Variants in DNMT3A observed in about 807,000 individuals in gnomAD.
DNMT3A encodes the protein DNA (cytosine-5)-methyltransferase 3A.
A neutral mutation model predicts 117.6 loss-of-function variants in DNMT3A; 267 were observed. That is an observed-to-expected ratio of 2.27 (90% CI 2.05 to 2.51). The LOEUF is 2.51. Among genes scored for constraint, DNMT3A ranks in the 30% most tolerant of loss-of-function variants. The pLI is 0.00. For missense variants in DNMT3A, 1,029 were observed against 1,260.2 expected (o/e 0.82, Z 2.78); for synonymous variants, 432 against 474.8 (o/e 0.91, Z 1.17).
In DNMT3A at chr2:25,300,714, TATATATATATATATATATATATATA is replaced by T. The variant is rs2033422937; in HGVS notation, c.73-496_73-472del. Among the ~76,000 whole-genome samples the T allele has an allele frequency of 5.0e-4, 2 of 4,024 alleles. 1 individual carries two copies. The highest frequency in any genetic ancestry group is 0.011 in the Admixed American group (2 of 188). 2.6% of individuals were successfully genotyped at this position (4,024 alleles called of 152,430 possible). On this transcript the variant is annotated intron_variant, in intron 2 of 22. Coordinates refer to ENST00000321117, the MANE Select transcript of DNMT3A (RefSeq NM_022552.5). ...ATATTTATATATCTAAATAATATAA[TATATATATATATATATATATATATA>T]TATATATATATATATATATATATAT...
At chr2:25,331,115 A>G (rs1241944330) in intron 1 of DNMT3A, among the ~76,000 whole-genome samples, 3 of 152,200 alleles carry the variant, frequency 2.0e-5, no homozygotes, top group Non-Finnish European at 4.4e-5. Flanking sequence ...AGTTATGTCC[A>G]TTTTACAGAT....
chr2:25,229,156 G>C lies in DNMT3A; in HGVS notation c.*5123C>G, dbSNP rs1477127394. 3 of 152,250 alleles carry C rather than the reference G, an allele frequency of 2.0e-5. No individual in the cohort carries two copies. The highest frequency in any genetic ancestry group is 2.9e-5 in the Non-Finnish European group (2 of 68,086). 9.4% of individuals were successfully genotyped at this position (152,250 alleles called of 1,614,324 possible). ...ACACAGAGGCAAGGTTCCCCAACTC[G>C]ATCCTCAAAGACCCTGGCCTGCCTT... On this transcript the variant is annotated 3_prime_UTR_variant, in exon 23 of 23. Transcript: ENST00000321117.
At position 25,337,512 on chromosome 2, in the gene DNMT3A, G is replaced by T. The variant is rs761548693; in HGVS notation, c.-178+4314C>A. ...AAACTGAGGCCCAGGGAATCGAGTT[G>T]TTGCCCAAGTTCCTGCCGCTGGGAG... On this transcript the variant is annotated intron_variant, in intron 1 of 22. Coordinates refer to ENST00000321117, the MANE Select transcript of DNMT3A (RefSeq NM_022552.5). The surrounding 1 kb of genome is among the most constrained non-coding windows in gnomAD (Gnocchi z 5.0). 6.6e-6 allele frequency among the ~76,000 whole-genome samples: 1 copy of T among 152,202 alleles called. No individual in the cohort carries two copies. Among genetic ancestry groups the T allele is most frequent in the African/African-American group, 2.4e-5 (1 of 41,462 alleles).
At chr2:25,245,408 G>A in intron 12 of DNMT3A, 76 bp from the exon 13 acceptor site, 1 of 1,344,762 alleles carries the variant, frequency 7.4e-7, no homozygotes, top group South Asian at 1.3e-5. Flanking sequence ...CCCAGCACCA[G>A]ACCAGCCACA....
intron 3 of DNMT3A, among the ~76,000 whole-genome samples, chr2:25,285,608 G>A (rs563621078): frequency 7.9e-5 from 12 of 152,334 alleles, no homozygotes; most frequent in Non-Finnish European, 1.2e-4. Context: ...TGGTAAAAGC[G>A]AGAAGTCCTC....
In DNMT3A at chr2:25,247,667, C is replaced by CA; in HGVS notation, c.937dup (p.Trp313LeufsTer11). On this transcript the variant is annotated frameshift_variant, in exon 8 of 23. Coordinates refer to ENST00000321117, the MANE Select transcript of DNMT3A (RefSeq NM_022552.5). LOFTEE classifies it high-confidence loss of function. This position sits in a 1 kb window ranked among gnomAD's most constrained non-coding sequence, Gnocchi z 5.6. ...TGCTCGGCTCCGGCCCGTCATCCAC[C>CA]AAGACACAATGCGGCCTGGCCACCA... 1 of 1,614,030 alleles carries CA rather than the reference C, an allele frequency of 6.2e-7. No homozygotes were observed. Among genetic ancestry groups the CA allele is most frequent in the Non-Finnish European group, 8.5e-7 (1 of 1,180,032 alleles).
rs1213604106 is a variant in DNMT3A, at chr2:25,267,682, T to G, written c.639+7259A>C. On this transcript the variant is annotated intron_variant, in intron 6 of 22. Transcript: ENST00000321117. ...TTCTAAAAAATTATAAAGTTCCTAT[T>G]ATATGCTAGCTCTGTGCTAGGAGCT... Among the ~76,000 whole-genome samples the G allele has an allele frequency of 1.3e-5, 2 of 152,232 alleles. 1 individual carries two copies. Among genetic ancestry groups the G allele is most frequent in the South Asian group, 4.1e-4 (2 of 4,836 alleles).
chr2:25,241,067 T>C (rs763142154), intron 17 of DNMT3A, among the ~76,000 whole-genome samples: 2 of 152,182 alleles, frequency 1.3e-5, no homozygotes, highest in Admixed American at 6.5e-5. Flanking sequence ...CATGTGAATG[T>C]CCTCCAGTTG....
Position 25,298,108 on chromosome 2 carries a change from T to C in DNMT3A, c.177+2031A>G, listed in dbSNP as rs1477478438. ...ACAGGGGCAAGGAGAAATGCATCCT[T>C]TTCTCCTCTATTTTTAGAAGGGGAA... is the stretch of plus-strand genomic sequence containing the variant. On this transcript the variant is annotated intron_variant, in intron 3 of 22. Transcript: ENST00000321117. The surrounding 1 kb of genome is among the most constrained non-coding windows in gnomAD (Gnocchi z 4.3). 6.6e-6 allele frequency among the ~76,000 whole-genome samples: 1 copy of C among 152,196 alleles called. No homozygotes were observed. Among genetic ancestry groups the C allele is most frequent in the Non-Finnish European group, 1.5e-5 (1 of 68,028 alleles).
rs2149379283 is a variant in DNMT3A at position 25,282,595 on chromosome 2, C to T, written c.294G>A (p.Glu98=). The stretch of plus-strand genomic sequence containing the variant: ...CAGGGCTCCCCTCCTCTGGCTGGGG[C>T]TCACTCCGCTTCTCCAAGTCCCCAT... The part of the protein sequence containing the change: ...LPNGDLEKRS[E]PQPEEGSPAG... The change falls in exon 4 of 23, where the codon GAG becomes GAA. Residue 98 remains glutamate, a synonymous_variant. Coordinates refer to ENST00000321117, the MANE Select transcript of DNMT3A (RefSeq NM_022552.5). The surrounding 1 kb of genome is among the most constrained non-coding windows in gnomAD (Gnocchi z 5.2). 6.2e-7 allele frequency: 1 copy of T among 1,613,642 alleles called. No homozygotes were observed. The highest frequency in any genetic ancestry group is 8.5e-7 in the Non-Finnish European group (1 of 1,179,984).
Position 25,234,444 on chromosome 2 carries a change from G to A in DNMT3A, c.2598-24C>T, listed in dbSNP as rs753509083. 18 of 1,606,792 alleles carry A rather than the reference G, an allele frequency of 1.1e-5. No individual in the cohort carries two copies. In the South Asian group the frequency reaches 1.9e-4, roughly 17 times the overall value. ...CCCTGGGGGAGAAAAGGCAGAGAGG[G>A]CAGGGTGAGTGCTGGCCAGACCAGG... On this transcript the variant is annotated intron_variant, in intron 22 of 22. Transcript: ENST00000321117. This position sits in a 1 kb window ranked among gnomAD's most constrained non-coding sequence, Gnocchi z 4.5.
Position 25,339,809 on chromosome 2 carries a change from G to A in DNMT3A, c.-178+2017C>T, listed in dbSNP as rs1421894662. Among the ~76,000 whole-genome samples, 1 of 152,206 alleles carries A rather than the reference G, an allele frequency of 6.6e-6. No homozygotes were observed. The highest frequency in any genetic ancestry group is 2.1e-4 in the South Asian group (1 of 4,834). ...GATGCCTGGCCCCCCAAATCCCACA[G>A]GCCAGTCCTAACACCCAGGCAATAG... On this transcript the variant is annotated intron_variant, in intron 1 of 22. Coordinates refer to ENST00000321117, the MANE Select transcript of DNMT3A (RefSeq NM_022552.5). This position sits in a 1 kb window ranked among gnomAD's most constrained non-coding sequence, Gnocchi z 4.9.
At chr2:25,280,106 T>G in intron 4 of DNMT3A, among the ~76,000 whole-genome samples, 1 of 152,144 alleles carries the variant, frequency 6.6e-6, no homozygotes, top group East Asian at 1.9e-4. Context: ...GGAATCATCC[T>G]TGACAGCATC....
At chr2:25,290,475 C>T (rs2032671525) in intron 3 of DNMT3A, among the ~76,000 whole-genome samples, 1 of 152,190 alleles carries the variant, frequency 6.6e-6, no homozygotes. Flanking sequence ...GCGTGTGCCA[C>T]CACATCCAGC....
At position 25,282,120 on chromosome 2, in the gene DNMT3A, T is replaced by C; in HGVS notation, c.448+321A>G. ...GCCATTATCCCAGTCTAGCAATCGT[T>C]GGCGTTATGAAAGCCCGCTGTTGCC... On this transcript the variant is annotated intron_variant, in intron 4 of 22. Coordinates refer to ENST00000321117, the MANE Select transcript of DNMT3A (RefSeq NM_022552.5). The surrounding 1 kb of genome is among the most constrained non-coding windows in gnomAD (Gnocchi z 5.2). 1 of 1,151,380 alleles carries C rather than the reference T, an allele frequency of 8.7e-7. No homozygotes were observed. The highest frequency in any genetic ancestry group is 2.2e-5 in the South Asian group (1 of 44,916). The allele number at this position is 1,151,380 out of a possible 1,614,324, so 71.3% of individuals were successfully genotyped here. A position where few individuals can be genotyped will look rare whatever the true frequency, so the allele number is the denominator to read the frequency against.
In DNMT3A at chr2:25,246,143, A is replaced by G. The variant is rs1055730050; in HGVS notation, c.1429+17T>C. The G allele has an allele frequency of 8.7e-6, 14 of 1,613,986 alleles. No individual in the cohort carries two copies. Among genetic ancestry groups the G allele is most frequent in the Admixed American group, 1.7e-5 (1 of 60,006 alleles). Reference sequence around the variant, plus strand: ...CAGGCCTCCTGGTGCCACCCTCTCCAGAAGCAGGCCAACTACCTCTTGTGC... The same window carrying G: ...CAGGCCTCCTGGTGCCACCCTCTCCGGAAGCAGGCCAACTACCTCTTGTGC... On this transcript the variant is annotated intron_variant, in intron 11 of 22. Transcript: ENST00000321117.
In DNMT3A at chr2:25,252,307, G is replaced by A; in HGVS notation, c.640-4055C>T. The stretch of plus-strand genomic sequence containing the variant: ...AGGGGAAGGGGGCGATGGGGCTGGG[G>A]GCGGAGGGGGCCACTGGGAGGGGAG... On this transcript the variant is annotated intron_variant, in intron 6 of 22. Transcript: ENST00000321117. The surrounding 1 kb of genome is among the most constrained non-coding windows in gnomAD (Gnocchi z 5.5). 1.2e-6 allele frequency: 1 copy of A among 818,506 alleles called. No individual in the cohort carries two copies. Among genetic ancestry groups the A allele is most frequent in the Admixed American group, 3.4e-5 (1 of 29,146 alleles). 50.7% of individuals were successfully genotyped at this position (818,506 alleles called of 1,614,324 possible). A position where few individuals can be genotyped will look rare whatever the true frequency, so the allele number is the denominator to read the frequency against.
Position 25,254,385 on chromosome 2 carries a change from CAGAG to C in DNMT3A, c.640-6137_640-6134del, listed in dbSNP as rs1675935404. 6.6e-6 allele frequency among the ~76,000 whole-genome samples: 1 copy of C among 152,086 alleles called. No individual in the cohort carries two copies. The highest frequency in any genetic ancestry group is 2.4e-5 in the African/African-American group (1 of 41,406). On this transcript the variant is annotated intron_variant, in intron 6 of 22. Transcript: ENST00000321117. This position sits in a 1 kb window ranked among gnomAD's most constrained non-coding sequence, Gnocchi z 4.7. ...ACCCTGAAGAGCAAGGACCCCAAAC[CAGAG>C]AGCCTTCTACCTAGAAGACTTGGGT...
intron 6 of DNMT3A, chr2:25,249,757 C>T (rs370540782): frequency 5.0e-6 from 8 of 1,611,644 alleles, no homozygotes; most frequent in Non-Finnish European, 6.8e-6. Context: ...TGATACTTAG[C>T]TCTGAGAACC....
Sources: allele counts gnomAD v4.1 joint callset (sites outside exome capture counted in the v4.1 genomes callset), GRCh38; gene constraint gnomAD v4.1.1; non-coding constraint Gnocchi (gnomAD v3.1); transcripts MANE v1.5; gene names NCBI Gene and HGNC (gene_info 2026-07-23, HGNC 2026-07-21).